The following ENAH variants were observed in gnomAD, a reference collection of about 807,000 sequenced individuals.
ENAH encodes protein enabled homolog.
Under a neutral mutation model 78.7 loss-of-function variants are expected in ENAH, and 23 were observed. The observed-to-expected ratio is 0.29, with a 90% CI of 0.21 to 0.41. The LOEUF (loss-of-function observed/expected upper bound fraction) is 0.41, where lower values mean the gene tolerates loss of function less well. Ranked by LOEUF, ENAH falls within the 10% of genes least tolerant of loss-of-function variation. The pLI is 1.00. For synonymous variants in ENAH, 226 were observed against 241.0 expected (o/e 0.94, Z 0.58); for missense variants, 544 against 691.0 (o/e 0.79, Z 2.39).
At chr1:225,566,703 G>A (rs1020024176) in intron 2 of ENAH, among the ~76,000 whole-genome samples, 2 of 152,156 alleles carry the variant, frequency 1.3e-5, no homozygotes, top group Non-Finnish European at 2.9e-5. Flanking sequence ...CAAGTAATCA[G>A]ATAATCCAGC....
intron 1 of ENAH, among the ~76,000 whole-genome samples, chr1:225,568,732 G>A (rs746721956): frequency 6.6e-6 from 1 of 152,134 alleles, no homozygotes; most frequent in African/African-American, 2.4e-5. Context: ...CATCCAAGAG[G>A]GATAATGAAA....
At chr1:225,544,706 C>G (rs2096605240) in intron 3 of ENAH, among the ~76,000 whole-genome samples, 1 of 152,078 alleles carries the variant, frequency 6.6e-6, no homozygotes. Flanking sequence ...AAGCAGCTTT[C>G]CCAGACAGTT....
intron 1 of ENAH, among the ~76,000 whole-genome samples, chr1:225,636,623 C>A (rs1474222385): frequency 3.9e-5 from 6 of 152,058 alleles, no homozygotes; most frequent in Non-Finnish European, 8.8e-5. Flanking sequence ...GTGGGAGGAT[C>A]GTTAGAAGCC....
chr1:225,605,816 C>A (rs1258280383), intron 1 of ENAH, among the ~76,000 whole-genome samples: 2 of 152,150 alleles, frequency 1.3e-5, no homozygotes, highest in Non-Finnish European at 2.9e-5. Flanking sequence ...GAGGGAAGAT[C>A]ACTGTGGACA....
At chr1:225,564,359 G>A (rs751762225) in intron 2 of ENAH, among the ~76,000 whole-genome samples, 45 of 151,672 alleles carry the variant, frequency 3.0e-4, no homozygotes, top group Non-Finnish European at 5.9e-4. Flanking sequence ...GCGCAATCTC[G>A]GCTCACCGCA....
chr1:225,514,512 A>C lies in ENAH; in HGVS notation c.1218+84T>G, dbSNP rs142200028. 280 of 1,109,512 alleles carry C rather than the reference A, an allele frequency of 2.5e-4. 2 individuals carry two copies. The African/African-American group carries it at 4.2e-3, about 17-fold the overall frequency. The allele number at this position is 1,109,512 out of a possible 1,614,324, so 68.7% of individuals were successfully genotyped here. A position where few individuals can be genotyped will look rare whatever the true frequency, so the allele number is the denominator to read the frequency against. Reference sequence around the variant, plus strand: ...ATCAATGAAGTTCATAACATTTCATAAAATTAGAATACAATAAATTCAACA... The same window carrying C: ...ATCAATGAAGTTCATAACATTTCATCAAATTAGAATACAATAAATTCAACA... On this transcript the variant is annotated intron_variant, in intron 7 of 13. Transcript: ENST00000366843.
chr1:225,568,823 C>T (rs1001888932), intron 1 of ENAH, among the ~76,000 whole-genome samples: 2 of 152,176 alleles, frequency 1.3e-5, no homozygotes, highest in African/African-American at 2.4e-5. Context: ...AAGGTCACAG[C>T]ACTGAGTAAT....
chr1:225,589,356 C>T (rs145880069), intron 1 of ENAH, among the ~76,000 whole-genome samples: 1 of 152,256 alleles, frequency 6.6e-6, no homozygotes, highest in Non-Finnish European at 1.5e-5. Flanking sequence ...GATATAAATA[C>T]TGACATACTT....
intron 11 of ENAH, among the ~76,000 whole-genome samples, chr1:225,505,620 A>G (rs1013627051): frequency 4.5e-4 from 29 of 64,694 alleles, no homozygotes; most frequent in African/African-American, 1.5e-3. Flanking sequence ...ATGCAAGGAT[A>G]AGACATACTT....
Position 225,522,555 on chromosome 1 carries a change from CTT to C in ENAH, c.435-2992_435-2991del, listed in dbSNP as rs377493497. 6.4e-4 allele frequency among the ~76,000 whole-genome samples: 98 copies of C among 152,226 alleles called. 2 individuals are homozygous for C. In the South Asian group the frequency reaches 0.02, roughly 31 times the overall value. ...CAAAGTTTTTGAGGGATAACAATAA[CTT>C]TATCTGCAGGGATGAGGGGAAGAAA... On this transcript the variant is annotated intron_variant, in intron 4 of 13. Coordinates refer to ENST00000366843, the MANE Select transcript of ENAH (RefSeq NM_018212.6).
chr1:225,527,388 C>A (rs2096513346), intron 4 of ENAH, among the ~76,000 whole-genome samples: 1 of 152,148 alleles, frequency 6.6e-6, no homozygotes, highest in Non-Finnish European at 1.5e-5. Context: ...ATAATTTCTA[C>A]TGGGAACCAA....
At chr1:225,629,684 GA>G (rs1658645426) in intron 1 of ENAH, among the ~76,000 whole-genome samples, 1 of 152,016 alleles carries the variant, frequency 6.6e-6, no homozygotes, top group Non-Finnish European at 1.5e-5. Context: ...TTACATGGCA[GA>G]AAAAAAGCAG....
chr1:225,531,319 T>C (rs2096536362), intron 3 of ENAH, among the ~76,000 whole-genome samples: 1 of 152,122 alleles, frequency 6.6e-6, no homozygotes, highest in South Asian at 2.1e-4. Context: ...TACAACATGG[T>C]TCTGTCATGA....
intron 3 of ENAH, among the ~76,000 whole-genome samples, chr1:225,536,700 G>A (rs901521450): frequency 6.6e-6 from 1 of 151,920 alleles, no homozygotes; most frequent in Non-Finnish European, 1.5e-5. Flanking sequence ...AAATGGTAAT[G>A]TCTTAAATAA....
intron 1 of ENAH, among the ~76,000 whole-genome samples, chr1:225,641,210 A>C (rs918208151): frequency 2.0e-5 from 3 of 152,120 alleles, no homozygotes; most frequent in African/African-American, 7.2e-5. Context: ...AAGAAAAATG[A>C]GAACAAATGT....
chr1:225,519,110 A>T, intron 5 of ENAH, 88 bp downstream of exon 5: 1 of 1,525,482 alleles, frequency 6.6e-7, no homozygotes, highest in Non-Finnish European at 8.8e-7. Context: ...CAAACATCTC[A>T]AATGTGAAAT....
intron 1 of ENAH, among the ~76,000 whole-genome samples, chr1:225,616,069 C>A (rs2097029843): frequency 6.6e-6 from 1 of 152,148 alleles, no homozygotes; most frequent in African/African-American, 2.4e-5. Flanking sequence ...TGTGTCCACT[C>A]AGGGTTAAAT....
intron 1 of ENAH, among the ~76,000 whole-genome samples, chr1:225,582,393 GAGA>G (rs1354125128): frequency 2.0e-5 from 3 of 152,234 alleles, no homozygotes; most frequent in African/African-American, 4.8e-5. Context: ...ACTGGAGAAT[GAGA>G]AGAAGGGAGT....
chr1:225,633,106 A>C (rs1659411267), intron 1 of ENAH, among the ~76,000 whole-genome samples: 1 of 150,876 alleles, frequency 6.6e-6, no homozygotes, highest in Non-Finnish European at 1.5e-5. Flanking sequence ...GCAGTGGCGC[A>C]ATCTCGGCTC....
Sources: gnomAD v4.1 joint callset for allele counts (sites outside exome capture counted in the v4.1 genomes callset) on GRCh38, gnomAD v4.1.1 for gene constraint, MANE v1.5 for transcripts, NCBI Gene and HGNC (gene_info 2026-07-23, HGNC 2026-07-21) for gene names.